Variants in ADGRL4 observed in about 807,000 individuals in gnomAD.
ADGRL4 encodes the protein adhesion G protein-coupled receptor L4, also known as EGF, latrophilin and seven transmembrane domain containing 1.
Under a neutral mutation model 74.8 loss-of-function variants are expected in ADGRL4, and 90 were observed. That is an observed-to-expected ratio of 1.20 (90% CI 1.02 to 1.43). The LOEUF (loss-of-function observed/expected upper bound fraction) is 1.43. Ranked by LOEUF, ADGRL4 falls within the 40% of genes most tolerant of loss-of-function variation. The pLI is 0.00. For synonymous variants in ADGRL4, 311 were observed against 279.2 expected (o/e 1.11, Z -1.14); for missense variants, 881 against 814.3 (o/e 1.08, Z -1.00).
At chr1:78,899,028 A>C (rs1648460044) in intron 12 of ADGRL4, among the ~76,000 whole-genome samples, 1 of 152,162 alleles carries the variant, frequency 6.6e-6, no homozygotes, top group Non-Finnish European at 1.5e-5. Context: ...TTCTTTTCAT[A>C]GTCTTTTTCT....
intron 2 of ADGRL4, among the ~76,000 whole-genome samples, chr1:78,983,022 A>G (rs756174800): frequency 1.3e-5 from 2 of 151,846 alleles, no homozygotes; most frequent in Non-Finnish European, 2.9e-5. Context: ...AGTGGGAGTC[A>G]TTTAAGAATG....
intron 2 of ADGRL4, among the ~76,000 whole-genome samples, chr1:78,948,784 A>G (rs12759320): frequency 4.6e-5 from 7 of 152,130 alleles, no homozygotes; most frequent in African/African-American, 1.7e-4. Flanking sequence ...TAAGCAAAAT[A>G]GTTCAACCAT....
chr1:78,896,344 G>A (rs1000944962), intron 12 of ADGRL4, among the ~76,000 whole-genome samples: 1 of 151,958 alleles, frequency 6.6e-6, no homozygotes, highest in African/African-American at 2.4e-5. Flanking sequence ...AATCTTACAT[G>A]TCTGTTTTGT....
chr1:78,919,061 G>A (rs17102395), intron 10 of ADGRL4, among the ~76,000 whole-genome samples: 18,118 of 151,840 alleles, frequency 0.12, 1,445 homozygotes, highest in East Asian at 0.25. Flanking sequence ...AAAGTGTTAC[G>A]AATACCACTG....
At chr1:78,897,795 A>G (rs1371959442) in intron 12 of ADGRL4, among the ~76,000 whole-genome samples, 5 of 152,182 alleles carry the variant, frequency 3.3e-5, no homozygotes, top group Non-Finnish European at 4.4e-5. Context: ...AGAAAAATGT[A>G]AGTTTTCCCA....
intron 7 of ADGRL4, among the ~76,000 whole-genome samples, chr1:78,932,861 A>T (rs1184484138): frequency 6.6e-6 from 1 of 151,452 alleles, no homozygotes; most frequent in African/African-American, 2.5e-5. Context: ...ACAATTTCCC[A>T]AGACTAAACC....
At chr1:78,928,708 T>G (rs1229542260) in intron 7 of ADGRL4, among the ~76,000 whole-genome samples, 1 of 151,558 alleles carries the variant, frequency 6.6e-6, no homozygotes, top group Non-Finnish European at 1.5e-5. Flanking sequence ...GAGACTTTAC[T>G]TTAGAATTAA....
At chr1:78,940,675 T>C (rs1649457410) in intron 3 of ADGRL4, among the ~76,000 whole-genome samples, 1 of 152,144 alleles carries the variant, frequency 6.6e-6, no homozygotes, top group Non-Finnish European at 1.5e-5. Flanking sequence ...TAAATGAACA[T>C]CTAACCTTAA....
intron 13 of ADGRL4, among the ~76,000 whole-genome samples, chr1:78,891,959 G>A (rs1648287308): frequency 6.6e-6 from 1 of 152,118 alleles, no homozygotes; most frequent in African/African-American, 2.4e-5. Context: ...TTAAGATTAA[G>A]TAATTTCCTT....
intron 2 of ADGRL4, among the ~76,000 whole-genome samples, chr1:79,000,895 T>G (rs2100742676): frequency 6.6e-6 from 1 of 152,250 alleles, no homozygotes; most frequent in East Asian, 1.9e-4. Context: ...GAGTTTATAC[T>G]TTTTCAAGTT....
At chr1:78,993,333 G>T (rs1169940440) in intron 2 of ADGRL4, among the ~76,000 whole-genome samples, 1 of 151,984 alleles carries the variant, frequency 6.6e-6, no homozygotes, top group Non-Finnish European at 1.5e-5. Flanking sequence ...ACAGCATAAA[G>T]TCTTTCACCT....
At chr1:78,948,607 T>C (rs1649661158) in intron 2 of ADGRL4, among the ~76,000 whole-genome samples, 1 of 152,094 alleles carries the variant, frequency 6.6e-6, no homozygotes, top group African/African-American at 2.4e-5. Context: ...GTTAATACTT[T>C]ATTAACATGC....
rs1168259205 is a variant in ADGRL4, at chr1:78,890,454, A to AT, written c.*699dup. On this transcript the variant is annotated 3_prime_UTR_variant, in exon 15 of 15. Coordinates refer to ENST00000370742, the MANE Select transcript of ADGRL4 (RefSeq NM_022159.4). ...TATCTCAGTCTAACCTTAGAAACAG[A>AT]TTTTTTTCACTTTTTTTTTTTCAAT... 5 of 146,402 alleles carry AT rather than the reference A, an allele frequency of 3.4e-5. No homozygotes were observed. The highest frequency in any genetic ancestry group is 2.0e-4 in the Admixed American group (3 of 14,766). 9.1% of individuals were successfully genotyped at this position (146,402 alleles called of 1,614,324 possible).
intron 2 of ADGRL4, among the ~76,000 whole-genome samples, chr1:78,979,293 C>T (rs140317144): frequency 6.6e-5 from 10 of 151,968 alleles, no homozygotes; most frequent in Admixed American, 1.3e-4. Flanking sequence ...TTTATAAGTC[C>T]GTTCCCTTTA....
At chr1:78,946,030 T>C (rs1649593520) in intron 3 of ADGRL4, among the ~76,000 whole-genome samples, 1 of 152,068 alleles carries the variant, frequency 6.6e-6, no homozygotes. Flanking sequence ...CTCACTTTCT[T>C]TTATTTATTT....
intron 2 of ADGRL4, among the ~76,000 whole-genome samples, chr1:78,966,792 T>C (rs540610748): frequency 5.3e-4 from 81 of 152,130 alleles, no homozygotes; most frequent in Non-Finnish European, 8.7e-4. Flanking sequence ...GAGCTTCTTC[T>C]CCCAGGCATT....
intron 2 of ADGRL4, among the ~76,000 whole-genome samples, chr1:78,992,917 T>C (rs1219457869): frequency 6.6e-6 from 1 of 152,138 alleles, no homozygotes. Context: ...ACAGAGGATA[T>C]TAAATTATAT....
At chr1:78,912,732 G>A (rs1041342278) in intron 12 of ADGRL4, among the ~76,000 whole-genome samples, 8 of 151,628 alleles carry the variant, frequency 5.3e-5, no homozygotes, top group African/African-American at 1.9e-4. Context: ...CAGGACCTGA[G>A]GCTATACCAG....
At chr1:78,992,857 T>C (rs1278844352) in intron 2 of ADGRL4, among the ~76,000 whole-genome samples, 1 of 152,138 alleles carries the variant, frequency 6.6e-6, no homozygotes, top group East Asian at 1.9e-4. Context: ...ACTAACAAAC[T>C]ATACAAATCT....
Sources: gnomAD v4.1 joint callset for allele counts (sites outside exome capture counted in the v4.1 genomes callset) on GRCh38, gnomAD v4.1.1 for gene constraint, MANE v1.5 for transcripts, NCBI Gene and HGNC (gene_info 2026-07-23, HGNC 2026-07-21) for gene names.